ZNF618: variants seen among roughly 807,000 people sequenced by gnomAD.
The protein encoded by ZNF618 is neural precursor cell expressed, developmentally down-regulated 10.
A neutral mutation model predicts 103.0 loss-of-function variants in ZNF618; 34 were observed. The observed-to-expected ratio is 0.33, with a 90% confidence interval of 0.25 to 0.44. The LOEUF is 0.44. Ranked by LOEUF, ZNF618 falls within the 20% of genes least tolerant of loss-of-function variation. The pLI, the probability that ZNF618 is intolerant of heterozygous loss-of-function variation, is 1.00. For synonymous variants in ZNF618, 551 were observed against 542.2 expected (o/e 1.02, Z -0.23); for missense variants, 1,059 against 1,295.4 (o/e 0.82, Z 2.80).
intron 1 of ZNF618, among the ~76,000 whole-genome samples, chr9:113,943,082 G>A (rs760141523): frequency 6.6e-6 from 1 of 152,184 alleles, no homozygotes; most frequent in Non-Finnish European, 1.5e-5. Flanking sequence ...AGGAGATAGG[G>A]TAGGGGTGTG....
At chr9:113,999,619 C>T (rs540011149) in intron 4 of ZNF618, among the ~76,000 whole-genome samples, 12 of 152,362 alleles carry the variant, frequency 7.9e-5, no homozygotes, top group Admixed American at 1.3e-4. Context: ...GAACTCCATA[C>T]TGCCTGCCAA....
intron 10 of ZNF618, among the ~76,000 whole-genome samples, chr9:114,023,129 A>G (rs1288236413): frequency 6.6e-6 from 1 of 152,032 alleles, no homozygotes; most frequent in East Asian, 1.9e-4. Flanking sequence ...CATTTAATAT[A>G]CTATATTAAT....
intron 3 of ZNF618, 60 bp from the exon 4 acceptor site, chr9:113,998,199 C>G: frequency 6.7e-7 from 1 of 1,501,094 alleles, no homozygotes; most frequent in African/African-American, 1.4e-5. Context: ...TCGCCCCTTC[C>G]CTAACCTTCC....
chr9:113,962,381 C>G (rs1046850873), intron 1 of ZNF618, among the ~76,000 whole-genome samples: 2 of 152,186 alleles, frequency 1.3e-5, no homozygotes, highest in Admixed American at 6.5e-5. Flanking sequence ...CTGTTTCCCC[C>G]CTGGCCTCAT....
intron 1 of ZNF618, among the ~76,000 whole-genome samples, chr9:113,915,191 T>G (rs1831953949): frequency 6.6e-6 from 1 of 152,192 alleles, no homozygotes; most frequent in Non-Finnish European, 1.5e-5. Flanking sequence ...CCTGCTATGG[T>G]CGGCATCACT....
chr9:113,909,777 C>A (rs910638351), intron 1 of ZNF618, among the ~76,000 whole-genome samples: 1 of 151,042 alleles, frequency 6.6e-6, no homozygotes, highest in East Asian at 2.0e-4. Flanking sequence ...CACAGCCTAG[C>A]CTTTTTTGTT....
intron 3 of ZNF618, among the ~76,000 whole-genome samples, chr9:113,995,008 A>G (rs1312891179): frequency 6.6e-6 from 1 of 152,160 alleles, no homozygotes; most frequent in Non-Finnish European, 1.5e-5. Context: ...TCCAAACACT[A>G]CCACTATTTG....
intron 1 of ZNF618, among the ~76,000 whole-genome samples, chr9:113,887,702 C>CCTGGATCAGAGACCTGGAGGTGGGTAAGT (rs1829210196): frequency 1.3e-5 from 2 of 152,280 alleles, no homozygotes; most frequent in Middle Eastern, 3.4e-3. Flanking sequence ...TGACTTCCAG[C>CCTGGATCAGAGACCTGGAGGTGGGTAAGT]CTGGATCAGA....
At chr9:113,883,944 GC>G (rs1587921897) in intron 1 of ZNF618, among the ~76,000 whole-genome samples, 1 of 132,730 alleles carries the variant, frequency 7.5e-6, no homozygotes, top group East Asian at 2.1e-4. Context: ...ACCTGTGGGG[GC>G]TCCATGCTCT....
At chr9:114,040,390 C>T (rs1454977157) in intron 13 of ZNF618, among the ~76,000 whole-genome samples, 1 of 151,166 alleles carries the variant, frequency 6.6e-6, no homozygotes, top group African/African-American at 2.4e-5. Flanking sequence ...GCACAACATG[C>T]AGGTTTGTTA....
intron 10 of ZNF618, among the ~76,000 whole-genome samples, chr9:114,018,440 T>C (rs1481407593): frequency 6.6e-6 from 1 of 152,256 alleles, no homozygotes; most frequent in South Asian, 2.1e-4. Flanking sequence ...GAATGCACTT[T>C]CAGTGAGGTG....
chr9:114,049,016 G>A lies in ZNF618; in HGVS notation c.1714G>A (p.Glu572Lys), dbSNP rs1845903379. The A allele has an allele frequency of 1.2e-6, 2 of 1,613,330 alleles. No homozygotes were observed. The highest frequency in any genetic ancestry group is 1.7e-6 in the Non-Finnish European group (2 of 1,179,446). ...CTACATCCTCACAGCCTACCAGGCCGAGGGCAACCACATCAAGAGCTATGT... is the reference window on the plus strand; with the variant it reads ...CTACATCCTCACAGCCTACCAGGCCAAGGGCAACCACATCAAGAGCTATGT... ...SCYILTAYQA[E>K]GNHIKSYVLG... The change falls in exon 15 of 15, where the codon GAG becomes AAG. Residue 572 changes from glutamate to lysine, a missense_variant. Coordinates refer to ENST00000374126, the MANE Select transcript of ZNF618 (RefSeq NM_001318042.2).
At chr9:113,951,416 C>T (rs368539993) in intron 1 of ZNF618, among the ~76,000 whole-genome samples, 1 of 59,214 alleles carries the variant, frequency 1.7e-5, no homozygotes, top group Non-Finnish European at 3.4e-5. Flanking sequence ...TATATACACA[C>T]ATATATGTGT....
At chr9:114,006,971 C>T (rs1294355213) in intron 6 of ZNF618, among the ~76,000 whole-genome samples, 1 of 152,186 alleles carries the variant, frequency 6.6e-6, no homozygotes, top group East Asian at 1.9e-4. Flanking sequence ...ATGCTTGAGA[C>T]AGAAGTCCCA....
At chr9:114,012,998 A>G (rs1263189562) in intron 9 of ZNF618, among the ~76,000 whole-genome samples, 8 of 152,148 alleles carry the variant, frequency 5.3e-5, no homozygotes, top group Admixed American at 5.2e-4. Flanking sequence ...TAGGAAAAAA[A>G]AAAAACCTAT....
intron 1 of ZNF618, among the ~76,000 whole-genome samples, chr9:113,966,162 A>G (rs1242443280): frequency 6.6e-6 from 1 of 152,200 alleles, no homozygotes; most frequent in Admixed American, 6.5e-5. Flanking sequence ...GTACTTTTAC[A>G]TGCTATTACA....
intron 10 of ZNF618, among the ~76,000 whole-genome samples, chr9:114,023,220 C>A (rs75543640): frequency 0.027 from 4,174 of 151,794 alleles, 196 homozygotes; most frequent in African/African-American, 0.095. Context: ...TATTTTCGTG[C>A]CTTCTTTAGT....
intron 12 of ZNF618, among the ~76,000 whole-genome samples, chr9:114,033,891 C>T (rs560143582): frequency 6.6e-6 from 1 of 152,290 alleles, no homozygotes; most frequent in African/African-American, 2.4e-5. Context: ...TCACAACTGT[C>T]GGGGACCCTC....
chr9:113,889,635 A>C (rs1390414426), intron 1 of ZNF618, among the ~76,000 whole-genome samples: 1 of 152,136 alleles, frequency 6.6e-6, no homozygotes, highest in Admixed American at 6.5e-5. Context: ...GTAGGATGGG[A>C]TATATCTTGA....
Sources: allele counts gnomAD v4.1 joint callset (sites outside exome capture counted in the v4.1 genomes callset), GRCh38; gene constraint gnomAD v4.1.1; transcripts MANE v1.5; gene names NCBI Gene and HGNC (gene_info 2026-07-23, HGNC 2026-07-21).